SPRED2: variants seen among roughly 807,000 people sequenced by gnomAD.
SPRED2 encodes sprouty related EVH1 domain containing 2.
Under a neutral mutation model 43.0 loss-of-function variants are expected in SPRED2, and 47 were observed. The ratio of observed to expected loss-of-function variants is 1.09; its 90% confidence interval spans 0.87 to 1.40. The LOEUF (loss-of-function observed/expected upper bound fraction) is 1.40, where lower values mean the gene tolerates loss of function less well. SPRED2 is among the 40% of genes most tolerant of loss of function. The pLI, the probability that SPRED2 is intolerant of heterozygous loss-of-function variation, is 0.00. For synonymous variants in SPRED2, 225 were observed against 225.7 expected (o/e 1.00, Z 0.03); for missense variants, 561 against 586.4 (o/e 0.96, Z 0.45).
chr2:65,403,559 G>A (rs528780547), intron 1 of SPRED2, among the ~76,000 whole-genome samples: 23 of 152,296 alleles, frequency 1.5e-4, no homozygotes, highest in African/African-American at 5.5e-4. Flanking sequence ...GAGCCACTAC[G>A]CCCATCTGGG....
chr2:65,419,451 C>G (rs1166762456), intron 1 of SPRED2, among the ~76,000 whole-genome samples: 1 of 152,170 alleles, frequency 6.6e-6, no homozygotes, highest in African/African-American at 2.4e-5. Flanking sequence ...CCCTCACCCC[C>G]AAAGAGTGCC....
chr2:65,389,516 T>C (rs1330815968), intron 1 of SPRED2, among the ~76,000 whole-genome samples: 1 of 152,210 alleles, frequency 6.6e-6, no homozygotes. Context: ...CACAAGGAAG[T>C]ACCCCAAACT....
intron 4 of SPRED2, among the ~76,000 whole-genome samples, chr2:65,325,591 A>G (rs759515786): frequency 2.0e-5 from 3 of 152,250 alleles, no homozygotes; most frequent in Admixed American, 6.5e-5. Context: ...ACCTGCTCCT[A>G]AGAACATTAC....
intron 1 of SPRED2, among the ~76,000 whole-genome samples, chr2:65,415,167 A>G (rs1049675451): frequency 1.3e-5 from 2 of 152,218 alleles, no homozygotes; most frequent in African/African-American, 4.8e-5. Context: ...ATTCAGTGGC[A>G]TTAAGTACAT....
At chr2:65,360,218 T>C (rs1674774515) in intron 1 of SPRED2, among the ~76,000 whole-genome samples, 1 of 152,104 alleles carries the variant, frequency 6.6e-6, no homozygotes, top group Non-Finnish European at 1.5e-5. Context: ...CTCGACTTAA[T>C]GTTGGTCAAA....
chr2:65,316,612 G>A (rs1673240581), intron 5 of SPRED2, 122 bp downstream of exon 5: 4 of 1,211,128 alleles, frequency 3.3e-6, no homozygotes, highest in Non-Finnish European at 4.6e-6. Flanking sequence ...TGAAGTGGGG[G>A]TAAAGGCAGG....
chr2:65,418,921 C>T (rs1296305659), intron 1 of SPRED2, among the ~76,000 whole-genome samples: 1 of 151,840 alleles, frequency 6.6e-6, no homozygotes, highest in Admixed American at 6.6e-5. Context: ...GAATAAAAGT[C>T]TTTTTTTAAA....
At chr2:65,406,659 C>T (rs1330901330) in intron 1 of SPRED2, among the ~76,000 whole-genome samples, 1 of 152,250 alleles carries the variant, frequency 6.6e-6, no homozygotes, top group African/African-American at 2.4e-5. Flanking sequence ...TCACACTTCA[C>T]TTTCCTTCTG....
At chr2:65,315,418 G>C (rs1432305143) in intron 5 of SPRED2, among the ~76,000 whole-genome samples, 2 of 152,156 alleles carry the variant, frequency 1.3e-5, no homozygotes, top group Non-Finnish European at 2.9e-5. Flanking sequence ...TTACGGACTT[G>C]ATCATGCGCT....
At chr2:65,325,914 C>T (rs1258763470) in intron 4 of SPRED2, among the ~76,000 whole-genome samples, 6 of 151,416 alleles carry the variant, frequency 4.0e-5, no homozygotes, top group Middle Eastern at 3.2e-3. Flanking sequence ...ACCCGGGAGG[C>T]GGAGGTTACA....
At chr2:65,345,855 C>CA (rs1474284943) in intron 1 of SPRED2, among the ~76,000 whole-genome samples, 2 of 152,172 alleles carry the variant, frequency 1.3e-5, no homozygotes, top group Admixed American at 6.5e-5. Context: ...TTTTCTCCCC[C>CA]AGAGACCAAT....
intron 2 of SPRED2, chr2:65,344,518 G>T: frequency 1.4e-6 from 1 of 724,694 alleles, no homozygotes; most frequent in Non-Finnish European, 2.5e-6. Flanking sequence ...TAAAGCGTGT[G>T]GTCAAAAGAG....
At chr2:65,375,432 C>T (rs1265717734) in intron 1 of SPRED2, among the ~76,000 whole-genome samples, 1 of 146,748 alleles carries the variant, frequency 6.8e-6, no homozygotes, top group East Asian at 1.9e-4. Flanking sequence ...CTGACCAGCA[C>T]TCATCCTCAT....
intron 1 of SPRED2, among the ~76,000 whole-genome samples, chr2:65,348,125 C>G (rs1190158551): frequency 6.6e-6 from 1 of 152,220 alleles, no homozygotes; most frequent in Non-Finnish European, 1.5e-5. Flanking sequence ...AAGCATCCTT[C>G]TACCTCAGGG....
At chr2:65,330,514 C>T (rs570644002) in intron 4 of SPRED2, among the ~76,000 whole-genome samples, 18 of 152,060 alleles carry the variant, frequency 1.2e-4, no homozygotes, top group South Asian at 4.2e-4. Flanking sequence ...ACAGCAAAAC[C>T]GAGTGGAAAG....
intron 1 of SPRED2, among the ~76,000 whole-genome samples, chr2:65,374,341 A>T (rs1472839362): frequency 6.6e-6 from 1 of 152,218 alleles, no homozygotes; most frequent in Non-Finnish European, 1.5e-5. Context: ...GGAAGAGAAA[A>T]TTACAGCTGT....
At chr2:65,370,085 C>T (rs959616753) in intron 1 of SPRED2, among the ~76,000 whole-genome samples, 2 of 152,178 alleles carry the variant, frequency 1.3e-5, no homozygotes, top group Non-Finnish European at 2.9e-5. Flanking sequence ...TGTAGGCTGA[C>T]TGTATTGTGT....
intron 1 of SPRED2, among the ~76,000 whole-genome samples, chr2:65,429,001 G>C (rs888133325): frequency 2.6e-5 from 4 of 152,218 alleles, no homozygotes; most frequent in African/African-American, 9.6e-5. Context: ...ATGTGGAGGG[G>C]GGACGAAAGA....
intron 1 of SPRED2, among the ~76,000 whole-genome samples, chr2:65,411,900 G>C (rs1313036716): frequency 1.3e-5 from 2 of 152,118 alleles, no homozygotes; most frequent in Non-Finnish European, 2.9e-5. Flanking sequence ...GGCCGAGGCA[G>C]GCGGATCACA....
Sources: gnomAD v4.1 joint callset for allele counts (sites outside exome capture counted in the v4.1 genomes callset) on GRCh38, gnomAD v4.1.1 for gene constraint, MANE v1.5 for transcripts, NCBI Gene and HGNC (gene_info 2026-07-23, HGNC 2026-07-21) for gene names.